JMJD1C: variants seen among roughly 807,000 people sequenced by gnomAD.
JMJD1C encodes the protein jumonji domain-containing protein 1C.
A neutral mutation model predicts 245.3 loss-of-function variants in JMJD1C; 31 were observed. That is an observed-to-expected ratio of 0.13 (90% CI 0.09 to 0.17). The LOEUF (loss-of-function observed/expected upper bound fraction) is 0.17, where lower values mean the gene tolerates loss of function less well. Among genes scored for constraint, JMJD1C ranks in the 10% least tolerant of loss-of-function variants. The pLI, the probability that JMJD1C is intolerant of heterozygous loss-of-function variation, is 1.00. For missense variants in JMJD1C, 2,691 were observed against 3,000.2 expected, an observed-to-expected ratio of 0.90 and a Z score of 2.41; for synonymous variants, 1,057 against 1,017.4, an observed-to-expected ratio of 1.04 and a Z score of -0.74.
At chr10:63,254,060 G>C (rs1360710496) in intron 3 of JMJD1C, among the ~76,000 whole-genome samples, 2 of 152,104 alleles carry the variant, frequency 1.3e-5, no homozygotes, top group African/African-American at 2.4e-5. Flanking sequence ...CTGAAGCCTA[G>C]AAAGACTTGA....
rs564504867 is a variant in JMJD1C, at chr10:63,481,606, T to C, written n.113+40132A>G. On this transcript the variant is annotated intron_variant and non_coding_transcript_variant, in intron 1 of 3. Transcript: ENST00000633035. ...GATTATCTAAATGTGGCTTATTAAC[T>C]GTGTATTTTAAATGTCTTCTCCTGC... Among the ~76,000 whole-genome samples, 4 of 152,348 alleles carry C rather than the reference T, an allele frequency of 2.6e-5. No homozygotes were observed. In the South Asian group the frequency reaches 6.2e-4, roughly 24 times the overall value.
At chr10:63,398,786 A>T (rs2132564175) in intron 1 of JMJD1C, among the ~76,000 whole-genome samples, 1 of 152,210 alleles carries the variant, frequency 6.6e-6, no homozygotes, top group Admixed American at 6.5e-5. Flanking sequence ...CTGGGATTAC[A>T]GGCGTGTGCC....
chr10:63,376,110 TAGAA>T (rs1162226694), intron 2 of JMJD1C, among the ~76,000 whole-genome samples: 2 of 152,094 alleles, frequency 1.3e-5, no homozygotes, highest in Non-Finnish European at 2.9e-5. Flanking sequence ...TGGAATGGAA[TAGAA>T]AGCCCAGAAA....
chr10:63,379,508 A>G (rs1270619252), intron 2 of JMJD1C, among the ~76,000 whole-genome samples: 1 of 152,218 alleles, frequency 6.6e-6, no homozygotes, highest in Non-Finnish European at 1.5e-5. Context: ...TTCTTAAATG[A>G]AACATGTCCT....
chr10:63,518,102 C>T (rs1009897872), intron 1 of JMJD1C, among the ~76,000 whole-genome samples: 4 of 152,140 alleles, frequency 2.6e-5, no homozygotes, highest in African/African-American at 9.7e-5. Flanking sequence ...ATAATGGCCA[C>T]TTATTTCTTA....
intron 1 of JMJD1C, among the ~76,000 whole-genome samples, chr10:63,394,203 AG>A (rs61631267): frequency 0.1 from 15,179 of 146,464 alleles, 2,336 homozygotes; most frequent in African/African-American, 0.36. Flanking sequence ...AAAAAAAAAA[AG>A]GCTACAATAA....
chr10:63,338,155 GAC>G (rs1943024162), intron 2 of JMJD1C, among the ~76,000 whole-genome samples: 1 of 152,122 alleles, frequency 6.6e-6, no homozygotes, highest in African/African-American at 2.4e-5. Flanking sequence ...AGTTTTAAGA[GAC>G]AGAGTCTCAC....
intron 2 of JMJD1C, among the ~76,000 whole-genome samples, chr10:63,300,980 C>G (rs1169898813): frequency 6.6e-6 from 1 of 151,996 alleles, no homozygotes; most frequent in Non-Finnish European, 1.5e-5. Flanking sequence ...TCTCAGGCTA[C>G]TGAAGCATAT....
intron 13 of JMJD1C, among the ~76,000 whole-genome samples, chr10:63,196,939 G>A (rs183386407): frequency 2.4e-4 from 37 of 152,160 alleles, no homozygotes; most frequent in African/African-American, 7.2e-4. Context: ...TGGGACTACA[G>A]GAACACACCA....
At chr10:63,491,494 GCTTA>G (rs1954174224) in intron 1 of JMJD1C, among the ~76,000 whole-genome samples, 2 of 152,274 alleles carry the variant, frequency 1.3e-5, no homozygotes, top group South Asian at 4.1e-4. Flanking sequence ...AAGGCAGTCA[GCTTA>G]CTTGTGGACT....
At chr10:63,289,667 CT>C (rs904618473) in intron 2 of JMJD1C, among the ~76,000 whole-genome samples, 2 of 152,032 alleles carry the variant, frequency 1.3e-5, no homozygotes, top group Admixed American at 1.3e-4. Flanking sequence ...TTACAAATAC[CT>C]TAATGCTAAA....
chr10:63,470,300 T>C (rs1953449388), upstream of JMJD1C, among the ~76,000 whole-genome samples: 1 of 152,140 alleles, frequency 6.6e-6, no homozygotes, highest in South Asian at 2.1e-4. Flanking sequence ...TATAGCAAAA[T>C]GTACCTTTTT....
At chr10:63,267,781 C>T (rs550027184) in intron 2 of JMJD1C, among the ~76,000 whole-genome samples, 2 of 152,152 alleles carry the variant, frequency 1.3e-5, no homozygotes, top group African/African-American at 4.8e-5. Context: ...GTTAAACATA[C>T]TTTTTAAAAA....
chr10:63,431,002 C>T (rs1950713470), intron 1 of JMJD1C, among the ~76,000 whole-genome samples: 1 of 152,258 alleles, frequency 6.6e-6, no homozygotes. Flanking sequence ...GGAGTATAGA[C>T]GTGATCCACT....
chr10:63,251,633 C>T (rs1853089663), intron 3 of JMJD1C, among the ~76,000 whole-genome samples: 2 of 152,170 alleles, frequency 1.3e-5, no homozygotes, highest in Non-Finnish European at 2.9e-5. Context: ...ACTATTATAA[C>T]CATTCAGAAA....
At chr10:63,186,720 C>T (rs965264665) in intron 18 of JMJD1C, among the ~76,000 whole-genome samples, 5 of 152,082 alleles carry the variant, frequency 3.3e-5, no homozygotes, top group East Asian at 1.9e-4. Flanking sequence ...TTTCTAATAA[C>T]GCAGAAACCA....
At position 63,465,915 on chromosome 10, in the gene JMJD1C, CCA is replaced by C. The variant is rs1467503882; in HGVS notation, c.-255_-254del. 16 of 623,492 alleles carry C rather than the reference CCA, an allele frequency of 2.6e-5. No homozygotes were observed. The highest frequency in any genetic ancestry group is 2.4e-4 in the African/African-American group (13 of 55,294). The allele number at this position is 623,492 out of a possible 1,614,324, so 38.6% of individuals were successfully genotyped here. A position where few individuals can be genotyped will look rare whatever the true frequency, so the allele number is the denominator to read the frequency against. ...CCACACAAGAAAACTGAAACAAAAC[CCA>C]ACGCGGCCGTCGAAGACCCCGAGGC... On this transcript the variant is annotated 5_prime_UTR_variant, in exon 1 of 26. Coordinates refer to ENST00000399262, the MANE Select transcript of JMJD1C (RefSeq NM_032776.3).
At chr10:63,267,293 G>A (rs1454609053) in intron 2 of JMJD1C, among the ~76,000 whole-genome samples, 1 of 152,092 alleles carries the variant, frequency 6.6e-6, no homozygotes, top group Non-Finnish European at 1.5e-5. Flanking sequence ...AACATATGAA[G>A]TGATATTAAA....
At chr10:63,323,425 C>T (rs1211050848) in intron 2 of JMJD1C, among the ~76,000 whole-genome samples, 1 of 91,638 alleles carries the variant, frequency 1.1e-5, no homozygotes, top group Non-Finnish European at 3.1e-5. Flanking sequence ...GAGGGTGAGG[C>T]AGAAGAATCA....
Sources: gnomAD v4.1 joint callset for allele counts (sites outside exome capture counted in the v4.1 genomes callset) on GRCh38, gnomAD v4.1.1 for gene constraint, MANE v1.5 for transcripts, NCBI Gene and HGNC (gene_info 2026-07-23, HGNC 2026-07-21) for gene names.